The following MERTK variants were observed in gnomAD, a reference collection of about 807,000 sequenced individuals.
MERTK encodes tyrosine-protein kinase Mer.
MERTK carries 69 observed loss-of-function variants against 99.3 expected under a neutral mutation model. The ratio of observed to expected loss-of-function variants is 0.70; its 90% CI spans 0.57 to 0.85. The LOEUF is 0.85. Among genes scored for constraint, MERTK ranks in the 40% least tolerant of loss-of-function variants. The pLI is 0.00. For synonymous variants in MERTK, 426 were observed against 467.6 expected (o/e 0.91, Z 1.15); for missense variants, 1,125 against 1,249.4 (o/e 0.90, Z 1.50).
At chr2:111,907,025 G>A (rs893945384) in intron 1 of MERTK, among the ~76,000 whole-genome samples, 8 of 152,076 alleles carry the variant, frequency 5.3e-5, no homozygotes, top group Non-Finnish European at 1.5e-5. Context: ...CTCAGCCTGA[G>A]TTTGACCCTC....
At chr2:111,956,782 G>A (rs1000918540) in intron 4 of MERTK, among the ~76,000 whole-genome samples, 9 of 151,268 alleles carry the variant, frequency 5.9e-5, no homozygotes, top group African/African-American at 1.7e-4. Context: ...CTACCTCAGC[G>A]CCCCAAGTAG....
At chr2:112,009,526 C>T (rs1468358539) in intron 14 of MERTK, among the ~76,000 whole-genome samples, 2 of 152,182 alleles carry the variant, frequency 1.3e-5, no homozygotes, top group South Asian at 2.1e-4. Context: ...GAAACTAGTT[C>T]GCCCTAGTTC....
chr2:111,911,612 C>T (rs1256387992), intron 1 of MERTK, among the ~76,000 whole-genome samples: 1 of 150,466 alleles, frequency 6.6e-6, no homozygotes, highest in East Asian at 2.0e-4. Flanking sequence ...TGGTCTTGAA[C>T]TCCTGACCTC....
rs539181653 is a variant in MERTK, at chr2:112,027,394, A to T, written c.2487-957A>T. ...CCCTGAAATGTCAGGTCTATCAATTATAAGAAAAAAAACATTTTTAATGAA... is the reference window on the plus strand; with the variant it reads ...CCCTGAAATGTCAGGTCTATCAATTTTAAGAAAAAAAACATTTTTAATGAA... On this transcript the variant is annotated intron_variant, in intron 18 of 18. Transcript: ENST00000295408. 2.0e-5 allele frequency among the ~76,000 whole-genome samples: 3 copies of T among 151,994 alleles called. No individual in the cohort carries two copies. In the South Asian group the frequency reaches 6.2e-4, roughly 32 times the overall value.
intron 15 of MERTK, among the ~76,000 whole-genome samples, chr2:112,018,478 A>C (rs182682846): frequency 2.6e-4 from 40 of 152,204 alleles, no homozygotes; most frequent in Non-Finnish European, 5.0e-4. Context: ...TGTAATTGAC[A>C]TGTGTCTTGG....
At chr2:112,007,555 G>C (rs1677008839) in intron 13 of MERTK, among the ~76,000 whole-genome samples, 1 of 152,072 alleles carries the variant, frequency 6.6e-6, no homozygotes, top group Non-Finnish European at 1.5e-5. Context: ...TCTATTTTCT[G>C]TCTCTGATTT....
At position 111,929,256 on chromosome 2, in the gene MERTK, A is replaced by G; in HGVS notation, c.198A>G (p.Ser66=). 1.2e-6 allele frequency: 2 copies of G among 1,614,128 alleles called. No individual in the cohort carries two copies. The highest frequency in any genetic ancestry group is 1.7e-6 in the Non-Finnish European group (2 of 1,180,024). The change falls in exon 2 of 19, where the codon TCA becomes TCG. Residue 66 remains serine, a synonymous_variant. Coordinates refer to ENST00000295408, the MANE Select transcript of MERTK (RefSeq NM_006343.3). ...ASGYQPALMF[S]PTQPGRPHTG... is the part of the protein sequence containing the mutation. ...GGTACCAGCCTGCCTTGATGTTTTC[A>G]CCAACCCAGCCTGGAAGACCACATA...
chr2:111,960,499 A>G (rs898920704), intron 4 of MERTK, among the ~76,000 whole-genome samples: 1 of 149,094 alleles, frequency 6.7e-6, no homozygotes, highest in Non-Finnish European at 1.5e-5. Flanking sequence ...AAAAAAAAAA[A>G]AAGAAAAGAA....
At chr2:111,970,755 TCTCCTC>T (rs1253775930) in intron 6 of MERTK, among the ~76,000 whole-genome samples, 3 of 44,720 alleles carry the variant, frequency 6.7e-5, no homozygotes, top group South Asian at 1.2e-3. Context: ...CCTCCTCCCT[TCTCCTC>T]CTCCTCCTCC....
At chr2:111,959,830 C>A (rs1223233070) in intron 4 of MERTK, among the ~76,000 whole-genome samples, 1 of 152,120 alleles carries the variant, frequency 6.6e-6, no homozygotes, top group Non-Finnish European at 1.5e-5. Context: ...TTATCAAGAA[C>A]CAGAGTTCTT....
chr2:112,002,587 C>T (rs1386457412), intron 11 of MERTK, among the ~76,000 whole-genome samples: 1 of 152,122 alleles, frequency 6.6e-6, no homozygotes, highest in Non-Finnish European at 1.5e-5. Flanking sequence ...TCAGAATTAA[C>T]CTTGCCCTGA....
At chr2:111,924,619 C>G (rs1052390188) in intron 1 of MERTK, among the ~76,000 whole-genome samples, 1 of 152,218 alleles carries the variant, frequency 6.6e-6, no homozygotes, top group Non-Finnish European at 1.5e-5. Flanking sequence ...AAGCCTAGCT[C>G]TGAGCCTTGC....
chr2:111,933,889 G>T (rs1406021471), intron 2 of MERTK, among the ~76,000 whole-genome samples: 1 of 108,700 alleles, frequency 9.2e-6, no homozygotes, highest in Non-Finnish European at 1.8e-5. Flanking sequence ...ACCCCAACAG[G>T]CCCCGATGTG....
intron 18 of MERTK, among the ~76,000 whole-genome samples, chr2:112,024,426 TG>T (rs1245009325): frequency 2.0e-5 from 3 of 152,226 alleles, no homozygotes; most frequent in Non-Finnish European, 4.4e-5. Context: ...GCCGTGTGGC[TG>T]GGGAAGTCAG....
rs185122564 is a variant in MERTK, at chr2:112,004,119, G to A, written c.1867+135G>A. 1.5e-5 allele frequency: 11 copies of A among 743,484 alleles called. No individual in the cohort carries two copies. In the Admixed American group the frequency reaches 1.6e-4, roughly 11 times the overall value. 46.1% of individuals were successfully genotyped at this position (743,484 alleles called of 1,614,324 possible). ...AATGTGGAACACTGGTCACCAAGGG[G>A]GACTTACTTTAATGAGCTCTTCATG... On this transcript the variant is annotated intron_variant, in intron 13 of 18. Coordinates refer to ENST00000295408, the MANE Select transcript of MERTK (RefSeq NM_006343.3).
At chr2:111,909,112 G>A (rs913066478) in intron 1 of MERTK, among the ~76,000 whole-genome samples, 4 of 151,982 alleles carry the variant, frequency 2.6e-5, no homozygotes, top group African/African-American at 9.7e-5. Flanking sequence ...TGTCAAAAAG[G>A]CAAAAAATAA....
At chr2:111,901,527 T>C (rs1399044525) in intron 1 of MERTK, among the ~76,000 whole-genome samples, 1 of 151,838 alleles carries the variant, frequency 6.6e-6, no homozygotes, top group Non-Finnish European at 1.5e-5. Context: ...CCCATTAAAG[T>C]GCTGAGTGGA....
In MERTK at chr2:111,940,954, A is replaced by C. The variant is rs549362851; in HGVS notation, c.483-4006A>C. 6.6e-5 allele frequency: 43 copies of C among 648,616 alleles called. No individual in the cohort carries two copies. The East Asian group carries it at 1.3e-3, about 19-fold the overall frequency. The allele number at this position is 648,616 out of a possible 1,614,324, so 40.2% of individuals were successfully genotyped here. ...TTTCTGGTCTTCAAGCCAAACAGTG[A>C]AGTTTCTAAATTCTGTTTCATCTTT... On this transcript the variant is annotated intron_variant, in intron 2 of 18. Coordinates refer to ENST00000295408, the MANE Select transcript of MERTK (RefSeq NM_006343.3).
intron 1 of MERTK, among the ~76,000 whole-genome samples, chr2:111,919,374 T>C (rs2104675234): frequency 6.6e-6 from 1 of 152,082 alleles, no homozygotes; most frequent in South Asian, 2.1e-4. Flanking sequence ...TAAATCCCAG[T>C]GCCCAAGCTG....
Sources: allele counts gnomAD v4.1 joint callset (sites outside exome capture counted in the v4.1 genomes callset), GRCh38; gene constraint gnomAD v4.1.1; transcripts MANE v1.5; gene names NCBI Gene and HGNC (gene_info 2026-07-23, HGNC 2026-07-21).